NHS: variants seen among roughly 807,000 people sequenced by gnomAD.
NHS encodes the protein NHS actin remodeling regulator, also known as actin remodeling regulator NHS.
NHS carries 5 observed loss-of-function variants against 72.5 expected under a neutral mutation model. That is an observed-to-expected ratio of 0.07 (90% CI 0.04 to 0.14). NHS has a LOEUF of 0.14. NHS is among the 10% of genes least tolerant of loss of function. The probability of loss-of-function intolerance (pLI) is 1.00; values close to 1 mark genes in which losing one functional copy is unlikely to be tolerated. For missense variants in NHS, 1,072 were observed against 1,355.7 expected, an observed-to-expected ratio of 0.79 and a Z score of 3.29; for synonymous variants, 464 against 547.7, an observed-to-expected ratio of 0.85 and a Z score of 2.13.
At position 17,664,322 on chromosome X, in the gene NHS, A is replaced by G. The variant is rs775300344; in HGVS notation, c.566-23420A>G. Among the ~76,000 whole-genome samples, 12 of 111,970 alleles carry G rather than the reference A, an allele frequency of 1.1e-4. No homozygotes were observed. In the East Asian group the frequency reaches 3.1e-3, roughly 29 times the overall value. ...TTTCTTCTAGGAGTTTTATGGTTCT[A>G]GCTTTTATGTTTAGGTCTATGGTCC... On this transcript the variant is annotated intron_variant, in intron 1 of 8. Transcript: ENST00000676302.
Position 17,725,676 on chromosome X carries a change from A to G in NHS, c.1570A>G (p.Lys524Glu). ...GGDAEPKVGA[K>E]PSAYEEGESF... Reference sequence around the variant, plus strand: ...GGATGCTGAGCCCAAAGTTGGCGCTAAACCCTCAGCATATGAAGAGGGAGA... The same window carrying G: ...GGATGCTGAGCCCAAAGTTGGCGCTGAACCCTCAGCATATGAAGAGGGAGA... Residue 524 changes from lysine (K) to glutamate (E), a missense_variant, in exon 7 of 9, where the codon AAA becomes GAA. By Grantham distance (56) the Lys-to-Glu change is moderately conservative. Coordinates refer to ENST00000676302, the MANE Select transcript of NHS (RefSeq NM_001291867.2). 2.5e-6 allele frequency: 3 copies of G among 1,211,367 alleles called. No homozygotes were observed. Among genetic ancestry groups the G allele is most frequent in the Non-Finnish European group, 3.4e-6 (3 of 895,413 alleles).
Position 17,712,243 on chromosome X carries a change from T to TTG in NHS, c.853-7091_853-7090dup, listed in dbSNP as rs777863207. 3.6e-3 allele frequency among the ~76,000 whole-genome samples: 247 copies of TTG among 68,291 alleles called. 4 individuals are homozygous for TTG. Among genetic ancestry groups the TTG allele is most frequent in the African/African-American group, 8.1e-3 (113 of 14,037 alleles). 59.3% of individuals were successfully genotyped at this position (68,291 alleles called of 115,157 possible). A position where few individuals can be genotyped will look rare whatever the true frequency, so the allele number is the denominator to read the frequency against. ...ACCTTAATATATGCTTATTGGCCTT[T>TTG]TGTGTGTGTGTATATATATATATAT... is the stretch of plus-strand genomic sequence containing the variant. On this transcript the variant is annotated intron_variant, in intron 3 of 8. Coordinates refer to ENST00000676302, the MANE Select transcript of NHS (RefSeq NM_001291867.2).
At chrX:17,574,465 C>CAA (rs1211702712) in intron 1 of NHS, among the ~76,000 whole-genome samples, 19 of 112,547 alleles carry the variant, frequency 1.7e-4, no homozygotes, top group Non-Finnish European at 2.8e-4. Flanking sequence ...GAATGCTGTG[C>CAA]TAGCAGCGAG....
intron 1 of NHS, among the ~76,000 whole-genome samples, chrX:17,525,645 T>TTC (rs1298011176): frequency 3.8e-5 from 4 of 104,435 alleles, no homozygotes; most frequent in African/African-American, 1.4e-4. Context: ...TTTCTTTTTT[T>TTC]TTTTTTTTTT....
At chrX:17,538,736 C>T (rs7892149) in intron 1 of NHS, among the ~76,000 whole-genome samples, 5 of 112,077 alleles carry the variant, frequency 4.5e-5, no homozygotes, top group African/African-American at 1.6e-4. Context: ...GTGGGGAAGC[C>T]AACCTTTCTG....
rs904773347 is a variant in NHS at position 17,687,866 on chromosome X, C to T, written c.690C>T (p.Ala230=). 8.3e-7 allele frequency: 1 copy of T among 1,210,344 alleles called. No homozygotes were observed. The highest frequency in any genetic ancestry group is 2.3e-4 in the Middle Eastern group (1 of 4,337). ...GCGTGGAGGAGCTGCACCGCCACGC[C>T]CGGCAGAGCCTGCAAGCCCTGCGCA... ...PPCVEELHRH[A]RQSLQALRRE... is the part of the protein sequence containing the mutation. The change falls in exon 2 of 9, where the codon GCC becomes GCT. Residue 230 remains alanine, a synonymous_variant. Transcript: ENST00000676302.
chrX:17,564,990 T>G (rs775940672), intron 1 of NHS, among the ~76,000 whole-genome samples: 1 of 109,965 alleles, frequency 9.1e-6, no homozygotes, highest in Non-Finnish European at 1.9e-5. Context: ...TTTATTTTTT[T>G]TTTTTGCAGC....
chrX:17,423,946 C>T (rs1479721004), intron 1 of NHS, among the ~76,000 whole-genome samples: 1 of 112,472 alleles, frequency 8.9e-6, no homozygotes, highest in Non-Finnish European at 1.9e-5. Context: ...CAGCACAGAA[C>T]AAAGACAGTA....
chrX:17,638,641 C>T (rs1371693131), intron 1 of NHS, among the ~76,000 whole-genome samples: 1 of 112,072 alleles, frequency 8.9e-6, no homozygotes, highest in African/African-American at 3.2e-5. Flanking sequence ...TATAGGATCA[C>T]AACTTCCTTA....
chrX:17,500,224 A>T (rs948000691), intron 1 of NHS, among the ~76,000 whole-genome samples: 1 of 112,153 alleles, frequency 8.9e-6, no homozygotes, highest in African/African-American at 3.2e-5. Context: ...TAGATGGGAA[A>T]GGAAGGCCAG....
At chrX:17,552,072 C>A (rs1365097441) in intron 1 of NHS, among the ~76,000 whole-genome samples, 2 of 111,780 alleles carry the variant, frequency 1.8e-5, no homozygotes, top group African/African-American at 6.5e-5. Context: ...TGGTCCAGGA[C>A]CAATTAGGCA....
chrX:17,687,858 C>T lies in NHS; in HGVS notation c.682C>T (p.Arg228Cys). 5.8e-6 allele frequency: 7 copies of T among 1,211,905 alleles called. No homozygotes were observed. The highest frequency in any genetic ancestry group is 3.5e-5 in the African/African-American group (2 of 57,825). ...TRPPCVEELHRHARQSLQALR... is the reference protein window; with the variant it reads ...TRPPCVEELHCHARQSLQALR... ...GCCACCCTGCGTGGAGGAGCTGCAC[C>T]GCCACGCCCGGCAGAGCCTGCAAGC... Residue 228 changes from arginine (R) to cysteine (C), a missense_variant, in exon 2 of 9, where the codon CGC becomes TGC. Transcript: ENST00000676302.
intron 1 of NHS, among the ~76,000 whole-genome samples, chrX:17,607,471 A>G (rs2065686610): frequency 9.0e-6 from 1 of 111,631 alleles, no homozygotes; most frequent in Admixed American, 9.5e-5. Context: ...GGAATAGGAA[A>G]ATAAGTACAA....
intron 1 of NHS, among the ~76,000 whole-genome samples, chrX:17,430,965 T>G (rs2064692371): frequency 8.9e-6 from 1 of 112,435 alleles, no homozygotes; most frequent in Non-Finnish European, 1.9e-5. Flanking sequence ...TGTGGACATA[T>G]GTTCTCATTT....
At chrX:17,462,369 G>T (rs758058766) in intron 1 of NHS, among the ~76,000 whole-genome samples, 1 of 111,333 alleles carries the variant, frequency 9.0e-6, no homozygotes, top group South Asian at 3.8e-4. Flanking sequence ...GTAAGAGGTG[G>T]CCCCAGGATT....
At chrX:17,609,274 GGA>G (rs930684014) in intron 1 of NHS, among the ~76,000 whole-genome samples, 3 of 112,076 alleles carry the variant, frequency 2.7e-5, no homozygotes, top group African/African-American at 9.7e-5. Flanking sequence ...AAAAGCTGTG[GGA>G]GGCCAGAGGA....
intron 3 of NHS, among the ~76,000 whole-genome samples, chrX:17,701,478 T>C (rs2066262930): frequency 9.1e-6 from 1 of 109,546 alleles, no homozygotes; most frequent in Non-Finnish European, 1.9e-5. Flanking sequence ...AGGAACCTAA[T>C]AAAATACAAT....
intron 1 of NHS, among the ~76,000 whole-genome samples, chrX:17,541,403 G>T (rs1245537761): frequency 8.9e-6 from 1 of 111,862 alleles, no homozygotes; most frequent in African/African-American, 3.3e-5. Context: ...AGTGGTATTT[G>T]TCTTCCTTCT....
intron 1 of NHS, among the ~76,000 whole-genome samples, chrX:17,617,741 C>T (rs1018281610): frequency 8.9e-6 from 1 of 112,189 alleles, no homozygotes; most frequent in Non-Finnish European, 1.9e-5. Context: ...ATATGAGATT[C>T]GAGACCTAAG....
Sources: gnomAD v4.1 joint callset for allele counts (sites outside exome capture counted in the v4.1 genomes callset) on GRCh38, gnomAD v4.1.1 for gene constraint, MANE v1.5 for transcripts, NCBI Gene and HGNC (gene_info 2026-07-23, HGNC 2026-07-21) for gene names.